The following SH2D1A variants were observed in gnomAD, a reference collection of about 807,000 sequenced individuals.
SH2D1A encodes the protein SH2 domain containing 1A.
SH2D1A carries 6 observed loss-of-function variants against 10.1 expected under a neutral mutation model. That is an observed-to-expected ratio of 0.60 (90% CI 0.33 to 1.18). SH2D1A has a LOEUF of 1.18. SH2D1A is among the 50% of genes most tolerant of loss of function. The pLI is 0.04. For synonymous variants in SH2D1A, 42 were observed against 36.9 expected (o/e 1.14, Z -0.51); for missense variants, 51 against 97.6 (o/e 0.52, Z 2.01).
At chrX:124,362,435 G>T (rs1211688994) in intron 1 of SH2D1A, among the ~76,000 whole-genome samples, 1 of 112,249 alleles carries the variant, frequency 8.9e-6, no homozygotes, top group Non-Finnish European at 1.9e-5. Context: ...TTTTGGACTT[G>T]CTTGGGACCT....
intron 2 of SH2D1A, 94 bp downstream of exon 2, chrX:124,365,918 T>C: frequency 1.7e-6 from 1 of 573,850 alleles, no homozygotes; most frequent in Non-Finnish European, 3.1e-6. Flanking sequence ...CATTATTAAG[T>C]ATTCATAAGG....
At chrX:124,352,917 T>C (rs2060018542) in intron 1 of SH2D1A, among the ~76,000 whole-genome samples, 1 of 111,635 alleles carries the variant, frequency 9.0e-6, no homozygotes, top group African/African-American at 3.3e-5. Flanking sequence ...AAATAGGTTC[T>C]AGTGTTCAGT....
intron 1 of SH2D1A, among the ~76,000 whole-genome samples, chrX:124,353,792 G>A (rs2060020654): frequency 8.9e-6 from 1 of 112,143 alleles, no homozygotes; most frequent in South Asian, 3.7e-4. Flanking sequence ...TTAGCTTCAA[G>A]GACACATAAT....
At chrX:124,368,013 A>G (rs1165764108) in intron 2 of SH2D1A, among the ~76,000 whole-genome samples, 1 of 111,972 alleles carries the variant, frequency 8.9e-6, no homozygotes. Flanking sequence ...ACTGTAAAAT[A>G]GGCCAGTCAT....
Position 124,349,898 on chromosome X carries a change from C to A in SH2D1A, c.137+3119C>A, listed in dbSNP as rs758264408. On this transcript the variant is annotated intron_variant, in intron 1 of 3. Coordinates refer to ENST00000371139, the MANE Select transcript of SH2D1A (RefSeq NM_002351.5). ...TTGTATAAGTCTATTAAAAATAGTTCCTTATACCTATTCATTATAGAAAAT... is the reference window on the plus strand; with the variant it reads ...TTGTATAAGTCTATTAAAAATAGTTACTTATACCTATTCATTATAGAAAAT... Among the ~76,000 whole-genome samples, 4 of 106,328 alleles carry A rather than the reference C, an allele frequency of 3.8e-5. No individual in the cohort carries two copies. In the South Asian group the frequency reaches 1.6e-3, roughly 43 times the overall value. The allele number at this position is 106,328 out of a possible 115,157, so 92.3% of individuals were successfully genotyped here.
At chrX:124,364,865 T>C (rs2060050176) in intron 1 of SH2D1A, among the ~76,000 whole-genome samples, 1 of 111,693 alleles carries the variant, frequency 9.0e-6, no homozygotes, top group Admixed American at 9.5e-5. Context: ...CACTCACTCA[T>C]TGACTCACCC....
At chrX:124,347,369 G>A (rs1159356989) in intron 1 of SH2D1A, among the ~76,000 whole-genome samples, 1 of 110,734 alleles carries the variant, frequency 9.0e-6, no homozygotes, top group Non-Finnish European at 1.9e-5. Context: ...GGTGGGGAGG[G>A]GCAGGGGATT....
At chrX:124,352,715 A>G (rs1230248395) in intron 1 of SH2D1A, among the ~76,000 whole-genome samples, 3 of 111,868 alleles carry the variant, frequency 2.7e-5, no homozygotes, top group Non-Finnish European at 5.7e-5. Context: ...TGTAAATAGT[A>G]CTGTGATAAA....
At chrX:124,348,841 C>T (rs1390326951) in intron 1 of SH2D1A, among the ~76,000 whole-genome samples, 1 of 111,964 alleles carries the variant, frequency 8.9e-6, no homozygotes, top group East Asian at 2.8e-4. Flanking sequence ...TTCTTTACTG[C>T]AATAAACGGA....
intron 1 of SH2D1A, among the ~76,000 whole-genome samples, chrX:124,348,990 G>A (rs1318133245): frequency 8.9e-6 from 1 of 112,488 alleles, no homozygotes; most frequent in Non-Finnish European, 1.9e-5. Context: ...CCTTATGCAA[G>A]AGAGAAGGGC....
At chrX:124,369,667 A>T (rs5958474) in intron 2 of SH2D1A, among the ~76,000 whole-genome samples, 4,421 of 112,090 alleles carry the variant, frequency 0.039, 229 homozygotes, top group African/African-American at 0.13. Flanking sequence ...GCATCATAAC[A>T]GCCAATTTTT....
rs1296804101 is a variant in SH2D1A, at chrX:124,371,579, C to T, written c.*188C>T. 4.3e-5 allele frequency: 12 copies of T among 282,276 alleles called. No individual in the cohort carries two copies. The highest frequency in any genetic ancestry group is 3.0e-4 in the African/African-American group (10 of 33,606). The allele number at this position is 282,276 out of a possible 1,213,427, so 23.3% of individuals were successfully genotyped here. On this transcript the variant is annotated 3_prime_UTR_variant, in exon 4 of 4. Transcript: ENST00000371139. ...TTGTACATAGTGAGGAGCTTTGAAA[C>T]GAGGATTGGGAAAAAGTAATTCCGT... is the stretch of plus-strand genomic sequence containing the variant.
In SH2D1A at chrX:124,372,016, A is replaced by C. The variant is rs1276816559; in HGVS notation, c.*625A>C. The C allele has an allele frequency of 1.3e-5, 2 of 158,503 alleles. No individual in the cohort carries two copies. The highest frequency in any genetic ancestry group is 2.1e-3 in the Middle Eastern group (1 of 479). The allele number at this position is 158,503 out of a possible 1,213,427, so 13.1% of individuals were successfully genotyped here. A position where few individuals can be genotyped will look rare whatever the true frequency, so the allele number is the denominator to read the frequency against. ...GGAGTTGAAAATCTTATAATTTAAAATATGCTCTAAACATGTTTATCGTAT... is the reference window on the plus strand; with the variant it reads ...GGAGTTGAAAATCTTATAATTTAAACTATGCTCTAAACATGTTTATCGTAT... On this transcript the variant is annotated 3_prime_UTR_variant, in exon 4 of 4. Transcript: ENST00000371139.
At position 124,365,127 on chromosome X, in the gene SH2D1A, C is replaced by G. The variant is rs772019949; in HGVS notation, c.138-634C>G. On this transcript the variant is annotated intron_variant, in intron 1 of 3. Transcript: ENST00000371139. ...CCATATAGGTTTGTGTAAGTACAGT[C>G]TATGATGTTTGCACAACAACGAAAT... is the stretch of plus-strand genomic sequence containing the variant. Among the ~76,000 whole-genome samples the G allele has an allele frequency of 3.6e-5, 4 of 110,757 alleles. No individual in the cohort carries two copies. The South Asian group carries it at 1.6e-3, about 43-fold the overall frequency.
At chrX:124,360,334 G>T (rs2060036980) in intron 1 of SH2D1A, among the ~76,000 whole-genome samples, 1 of 106,138 alleles carries the variant, frequency 9.4e-6, no homozygotes, top group Admixed American at 1.0e-4. Flanking sequence ...AGGTGTGGTG[G>T]CTCACACCTG....
Position 124,363,877 on chromosome X carries a change from C to A in SH2D1A, c.138-1884C>A, listed in dbSNP as rs753113312. ...CTGCACTCCAGCCTGGGCAACAGAGCGAGACTCTATCTCAAAAAAAAAAAA... is the reference window on the plus strand; with the variant it reads ...CTGCACTCCAGCCTGGGCAACAGAGAGAGACTCTATCTCAAAAAAAAAAAA... On this transcript the variant is annotated intron_variant, in intron 1 of 3. Coordinates refer to ENST00000371139, the MANE Select transcript of SH2D1A (RefSeq NM_002351.5). Among the ~76,000 whole-genome samples the A allele has an allele frequency of 6.6e-3, 444 of 67,353 alleles. 4 individuals are homozygous for A. Among genetic ancestry groups the A allele is most frequent in the African/African-American group, 0.027 (419 of 15,703 alleles). 58.5% of individuals were successfully genotyped at this position (67,353 alleles called of 115,157 possible).
intron 1 of SH2D1A, among the ~76,000 whole-genome samples, chrX:124,363,001 T>C (rs945264383): frequency 1.8e-5 from 2 of 111,166 alleles, no homozygotes; most frequent in Non-Finnish European, 3.8e-5. Context: ...ATGAAACTTA[T>C]GTTGCTGGCA....
At chrX:124,349,814 C>T (rs1160498599) in intron 1 of SH2D1A, among the ~76,000 whole-genome samples, 1 of 109,286 alleles carries the variant, frequency 9.2e-6, no homozygotes, top group East Asian at 2.8e-4. Flanking sequence ...GGATTGCTCA[C>T]CTTCATTTTA....
intron 1 of SH2D1A, among the ~76,000 whole-genome samples, chrX:124,357,570 C>T (rs1031373706): frequency 7.2e-5 from 8 of 111,553 alleles, no homozygotes; most frequent in African/African-American, 9.8e-5. Flanking sequence ...ACTTTCATAC[C>T]GTTTTTTATA....
Sources: allele counts gnomAD v4.1 joint callset (sites outside exome capture counted in the v4.1 genomes callset), GRCh38; gene constraint gnomAD v4.1.1; transcripts MANE v1.5; gene names NCBI Gene and HGNC (gene_info 2026-07-23, HGNC 2026-07-21).